Variants in SCFD2 observed in about 807,000 individuals in gnomAD.
The protein encoded by SCFD2 is sec1 family domain containing 2.
SCFD2 carries 54 observed loss-of-function variants against 58.9 expected under a neutral mutation model. The observed-to-expected ratio is 0.92, with a 90% CI of 0.74 to 1.15. The LOEUF is 1.15. SCFD2 is among the 50% of genes most tolerant of loss of function. The pLI, the probability that SCFD2 is intolerant of heterozygous loss-of-function variation, is 0.00. For synonymous variants in SCFD2, 321 were observed against 335.9 expected, an observed-to-expected ratio of 0.96 and a Z score of 0.49; for missense variants, 805 against 836.6, an observed-to-expected ratio of 0.96 and a Z score of 0.47.
chr4:53,316,940 C>T (rs913361535), intron 2 of SCFD2, among the ~76,000 whole-genome samples: 16 of 151,870 alleles, frequency 1.1e-4, no homozygotes, highest in Admixed American at 7.2e-4. Flanking sequence ...AAACCCCGCC[C>T]CTAATAAAAT....
chr4:52,903,412 G>T (rs901213992), intron 7 of SCFD2, among the ~76,000 whole-genome samples: 1 of 152,192 alleles, frequency 6.6e-6, no homozygotes, highest in Non-Finnish European at 1.5e-5. Flanking sequence ...TGATGGGGCT[G>T]CTACCTTGCA....
chr4:53,297,147 A>G (rs1732066592), intron 3 of SCFD2, among the ~76,000 whole-genome samples: 1 of 152,174 alleles, frequency 6.6e-6, no homozygotes, highest in African/African-American at 2.4e-5. Flanking sequence ...GCAGATGTCT[A>G]TTAGGTCCGC....
chr4:52,896,068 T>G (rs1719001235), intron 7 of SCFD2, among the ~76,000 whole-genome samples: 1 of 152,206 alleles, frequency 6.6e-6, no homozygotes, highest in African/African-American at 2.4e-5. Flanking sequence ...ATTAGCCCTT[T>G]GTCAGATGAG....
intron 5 of SCFD2, among the ~76,000 whole-genome samples, chr4:53,085,139 C>A (rs1211607947): frequency 6.6e-6 from 1 of 152,054 alleles, no homozygotes; most frequent in Non-Finnish European, 1.5e-5. Flanking sequence ...TGGAAAAAAC[C>A]AAAGACTCCA....
intron 5 of SCFD2, among the ~76,000 whole-genome samples, chr4:53,078,036 A>G (rs1009347396): frequency 6.6e-6 from 1 of 152,190 alleles, no homozygotes; most frequent in Non-Finnish European, 1.5e-5. Context: ...AACCATCATA[A>G]GACTTTGTTG....
At chr4:52,921,628 T>C (rs147627890) in intron 5 of SCFD2, among the ~76,000 whole-genome samples, 178 of 152,260 alleles carry the variant, frequency 1.2e-3, no homozygotes, top group African/African-American at 4.0e-3. Context: ...ATTTTAAGTA[T>C]AAGGGGACTG....
intron 5 of SCFD2, among the ~76,000 whole-genome samples, chr4:53,031,021 T>A (rs1722603471): frequency 6.6e-6 from 1 of 152,180 alleles, no homozygotes; most frequent in Non-Finnish European, 1.5e-5. Flanking sequence ...TTTAAAAGGC[T>A]ACATCCAGGA....
intron 5 of SCFD2, among the ~76,000 whole-genome samples, chr4:52,958,632 C>T (rs556726716): frequency 1.2e-3 from 177 of 152,264 alleles, no homozygotes; most frequent in Non-Finnish European, 1.4e-3. Context: ...AAAGGAACAG[C>T]TCTCGGAGGA....
chr4:52,959,510 TA>T (rs1720794340), intron 5 of SCFD2, among the ~76,000 whole-genome samples: 1 of 152,152 alleles, frequency 6.6e-6, no homozygotes. Flanking sequence ...GCTGTATTAT[TA>T]AATGGCCCAT....
intron 4 of SCFD2, among the ~76,000 whole-genome samples, chr4:53,217,989 G>C (rs181314447): frequency 6.6e-6 from 1 of 152,322 alleles, no homozygotes; most frequent in Admixed American, 6.5e-5. Context: ...CTTCTGGCTT[G>C]TAGCGTTTCT....
intron 4 of SCFD2, among the ~76,000 whole-genome samples, chr4:53,229,320 C>T (rs1729348179): frequency 1.3e-5 from 2 of 152,194 alleles, no homozygotes; most frequent in African/African-American, 4.8e-5. Context: ...CAAGTCAATC[C>T]TAAGCCGAAA....
chr4:53,233,791 T>C (rs1298041765), intron 4 of SCFD2, among the ~76,000 whole-genome samples: 1 of 152,192 alleles, frequency 6.6e-6, no homozygotes, highest in Non-Finnish European at 1.5e-5. Flanking sequence ...TTAAAATAAC[T>C]ATTCTGCAAG....
intron 5 of SCFD2, among the ~76,000 whole-genome samples, chr4:53,047,361 T>C (rs1161448392): frequency 6.6e-6 from 1 of 152,092 alleles, no homozygotes; most frequent in African/African-American, 2.4e-5. Context: ...GGTGGGAGGA[T>C]CACTTGAGTG....
chr4:53,313,820 G>T (rs1732770861), intron 2 of SCFD2, 57 bp from the exon 3 acceptor site: 3 of 1,548,860 alleles, frequency 1.9e-6, no homozygotes, highest in Non-Finnish European at 2.7e-6. Context: ...TACTGGAAAG[G>T]GTTGAAAGCA....
intron 5 of SCFD2, among the ~76,000 whole-genome samples, chr4:53,010,281 C>T (rs1722066219): frequency 6.6e-6 from 1 of 152,222 alleles, no homozygotes. Flanking sequence ...TTTACAGGTA[C>T]TTTCTTCGAA....
intron 4 of SCFD2, among the ~76,000 whole-genome samples, chr4:53,256,650 G>A (rs552195951): frequency 3.0e-3 from 454 of 152,172 alleles, no homozygotes; most frequent in Middle Eastern, 0.01. Context: ...CGAGGCTGGC[G>A]GATCACTCGC....
intron 7 of SCFD2, among the ~76,000 whole-genome samples, chr4:52,888,712 C>T (rs954087992): frequency 2.0e-5 from 3 of 152,178 alleles, no homozygotes; most frequent in African/African-American, 7.2e-5. Flanking sequence ...TAATAGGTTC[C>T]CTTTCTTGGT....
chr4:52,957,226 CCAGA>C (rs1260972930), intron 5 of SCFD2: 3 of 152,190 alleles, frequency 2.0e-5, no homozygotes, highest in African/African-American at 4.8e-5. Context: ...AGCTGTTCTG[CCAGA>C]CAGTCTACAA....
chr4:53,008,171 GC>G (rs928507498), intron 5 of SCFD2, among the ~76,000 whole-genome samples: 14 of 152,330 alleles, frequency 9.2e-5, no homozygotes, highest in Admixed American at 9.2e-4. Flanking sequence ...GGCCCAAGGA[GC>G]CCATGCAGGA....
Sources: gnomAD v4.1 joint callset for allele counts (sites outside exome capture counted in the v4.1 genomes callset) on GRCh38, gnomAD v4.1.1 for gene constraint, MANE v1.5 for transcripts, NCBI Gene and HGNC (gene_info 2026-07-23, HGNC 2026-07-21) for gene names.